Variants in KCNIP1 observed in about 807,000 individuals in gnomAD.
KCNIP1 encodes A-type potassium channel modulatory protein KCNIP1.
Under a neutral mutation model 33.0 loss-of-function variants are expected in KCNIP1, and 18 were observed. The observed-to-expected ratio is 0.55, with a 90% CI of 0.38 to 0.81. The LOEUF (loss-of-function observed/expected upper bound fraction) is 0.81, where lower values mean the gene tolerates loss of function less well. Ranked by LOEUF, KCNIP1 falls within the 30% of genes least tolerant of loss-of-function variation. KCNIP1 has a pLI of 0.00. For missense variants in KCNIP1, 238 were observed against 271.6 expected, an observed-to-expected ratio of 0.88 and a Z score of 0.87; for synonymous variants, 93 against 98.3, an observed-to-expected ratio of 0.95 and a Z score of 0.32.
chr5:170,674,798 T>G (rs1257940256), intron 1 of KCNIP1, among the ~76,000 whole-genome samples: 2 of 152,124 alleles, frequency 1.3e-5, no homozygotes, highest in Non-Finnish European at 2.9e-5. Flanking sequence ...CTTGCCTCCT[T>G]CCTCTCCAGT....
intron 1 of KCNIP1, among the ~76,000 whole-genome samples, chr5:170,705,125 G>A (rs1157316609): frequency 1.3e-5 from 2 of 152,198 alleles, no homozygotes; most frequent in African/African-American, 2.4e-5. Flanking sequence ...CAATTGTGAT[G>A]TATTGTGTAG....
intron 1 of KCNIP1, among the ~76,000 whole-genome samples, chr5:170,540,846 C>G (rs1247146191): frequency 1.3e-5 from 2 of 152,142 alleles, no homozygotes; most frequent in African/African-American, 2.4e-5. Flanking sequence ...CTTCCCACTT[C>G]CCCTGGTAGA....
intron 1 of KCNIP1, among the ~76,000 whole-genome samples, chr5:170,431,507 C>T (rs1044461376): frequency 6.6e-6 from 1 of 152,170 alleles, no homozygotes; most frequent in Non-Finnish European, 1.5e-5. Flanking sequence ...CAGCTGGGAT[C>T]CCCACGCAGC....
chr5:170,367,413 G>GA (rs1308649346), intron 1 of KCNIP1, among the ~76,000 whole-genome samples: 1 of 90,846 alleles, frequency 1.1e-5, no homozygotes, highest in African/African-American at 4.1e-5. Context: ...AAGAAAGAAA[G>GA]AAAGAAAGGA....
At chr5:170,405,654 G>T (rs1420411085) in intron 1 of KCNIP1, among the ~76,000 whole-genome samples, 1 of 152,206 alleles carries the variant, frequency 6.6e-6, no homozygotes, top group African/African-American at 2.4e-5. Context: ...AAAAGTATTA[G>T]TGTCTGTGGT....
intron 1 of KCNIP1, among the ~76,000 whole-genome samples, chr5:170,355,712 T>A (rs754872188): frequency 6.6e-6 from 1 of 152,190 alleles, no homozygotes; most frequent in African/African-American, 2.4e-5. Context: ...CATCAGAGTG[T>A]TGGCCTCTGC....
At chr5:170,353,495 C>T (rs949238895) in exon 1 of KCNIP1, 4 of 261,148 alleles carry the variant, frequency 1.5e-5, no homozygotes, top group Admixed American at 9.8e-5. Context: ...GTAAGAAAGA[C>T]AGTCAGCAAA....
chr5:170,568,822 C>T (rs1164721149), intron 1 of KCNIP1, among the ~76,000 whole-genome samples: 3 of 151,884 alleles, frequency 2.0e-5, no homozygotes, highest in Non-Finnish European at 4.4e-5. Context: ...GACTCCATCT[C>T]AAAAAAGAAA....
At chr5:170,533,810 G>A (rs10072375) in intron 1 of KCNIP1, among the ~76,000 whole-genome samples, 37,190 of 152,072 alleles carry the variant, frequency 0.24, 6,002 homozygotes, top group African/African-American at 0.46. Flanking sequence ...AATTCTCAGG[G>A]AGTCACATTC....
At chr5:170,464,356 C>T (rs1356777094) in intron 1 of KCNIP1, among the ~76,000 whole-genome samples, 9 of 152,146 alleles carry the variant, frequency 5.9e-5, no homozygotes, top group Admixed American at 5.2e-4. Flanking sequence ...GTCAAAATCC[C>T]ATGGCCATTT....
chr5:170,570,450 C>G (rs1757364517), intron 1 of KCNIP1, among the ~76,000 whole-genome samples: 2 of 152,160 alleles, frequency 1.3e-5, no homozygotes, highest in South Asian at 4.1e-4. Flanking sequence ...CTCTCCCCCA[C>G]CCCCTTTTTT....
At chr5:170,468,718 TA>T (rs569052504) in intron 1 of KCNIP1, among the ~76,000 whole-genome samples, 14 of 145,766 alleles carry the variant, frequency 9.6e-5, no homozygotes, top group African/African-American at 2.3e-4. Context: ...TTATCTCTAC[TA>T]AAAAAAAAAC....
intron 1 of KCNIP1, among the ~76,000 whole-genome samples, chr5:170,510,540 T>C (rs1754894281): frequency 6.6e-6 from 1 of 152,174 alleles, no homozygotes; most frequent in Non-Finnish European, 1.5e-5. Context: ...GAACAGTTTT[T>C]AGAAAAGAGA....
intron 4 of KCNIP1, among the ~76,000 whole-genome samples, chr5:170,722,180 T>C (rs928048244): frequency 3.9e-5 from 6 of 152,192 alleles, no homozygotes; most frequent in African/African-American, 1.4e-4. Flanking sequence ...TAGGGCTTTG[T>C]ATGTATTAAT....
At chr5:170,646,364 C>T (rs1760785152) in intron 1 of KCNIP1, among the ~76,000 whole-genome samples, 1 of 152,128 alleles carries the variant, frequency 6.6e-6, no homozygotes, top group Non-Finnish European at 1.5e-5. Context: ...CAAATTGAGT[C>T]CAACAACGTA....
intron 1 of KCNIP1, among the ~76,000 whole-genome samples, chr5:170,675,926 T>A (rs557906200): frequency 1.2e-3 from 176 of 151,604 alleles, no homozygotes; most frequent in Non-Finnish European, 1.8e-3. Context: ...AAATTAAAAA[T>A]CCTAAAGGAC....
intron 1 of KCNIP1, among the ~76,000 whole-genome samples, chr5:170,491,077 T>C (rs1356894505): frequency 6.6e-6 from 1 of 152,048 alleles, no homozygotes; most frequent in Non-Finnish European, 1.5e-5. Context: ...AAGTGTAGAG[T>C]CCTGCTATCA....
At chr5:170,493,552 T>G (rs909664299) in intron 1 of KCNIP1, among the ~76,000 whole-genome samples, 1 of 152,170 alleles carries the variant, frequency 6.6e-6, no homozygotes, top group Non-Finnish European at 1.5e-5. Flanking sequence ...TCCCTCCAGC[T>G]GCAGGTTGGT....
chr5:170,355,355 T>A (rs1045221009), intron 1 of KCNIP1, among the ~76,000 whole-genome samples: 1 of 152,180 alleles, frequency 6.6e-6, no homozygotes, highest in Non-Finnish European at 1.5e-5. Context: ...TTAGGAAATT[T>A]CACAAAGTCT....
Sources: gnomAD v4.1 joint callset for allele counts (sites outside exome capture counted in the v4.1 genomes callset) on GRCh38, gnomAD v4.1.1 for gene constraint, MANE v1.5 for transcripts, NCBI Gene and HGNC (gene_info 2026-07-23, HGNC 2026-07-21) for gene names.